Variants in CADM2 observed in about 807,000 individuals in gnomAD.
The protein encoded by CADM2 is immunoglobulin superfamily member 4D.
CADM2 carries 12 observed loss-of-function variants against 49.8 expected under a neutral mutation model. The ratio of observed to expected loss-of-function variants is 0.24; its 90% CI spans 0.15 to 0.39. The LOEUF (loss-of-function observed/expected upper bound fraction) is 0.39. Among genes scored for constraint, CADM2 ranks in the 10% least tolerant of loss-of-function variants. The pLI, the probability that CADM2 is intolerant of heterozygous loss-of-function variation, is 1.00. For missense variants in CADM2, 378 were observed against 492.3 expected, an observed-to-expected ratio of 0.77 and a Z score of 2.20; for synonymous variants, 214 against 175.4, an observed-to-expected ratio of 1.22 and a Z score of -1.74.
chr3:85,592,166 A>G (rs1285222259), intron 1 of CADM2, among the ~76,000 whole-genome samples: 2 of 152,014 alleles, frequency 1.3e-5, no homozygotes, highest in Non-Finnish European at 2.9e-5. Context: ...ATATAACAAG[A>G]TGGAAAACAG....
At chr3:85,226,230 A>G (rs542555031) in intron 1 of CADM2, among the ~76,000 whole-genome samples, 4 of 149,250 alleles carry the variant, frequency 2.7e-5, no homozygotes, top group Admixed American at 6.7e-5. Context: ...GAATTTGGCT[A>G]TGAATCTGTC....
At chr3:85,474,927 G>A (rs916770771) in intron 1 of CADM2, among the ~76,000 whole-genome samples, 13 of 151,894 alleles carry the variant, frequency 8.6e-5, no homozygotes, top group African/African-American at 2.9e-4. Context: ...TACAGACTCA[G>A]CATCCTCGAA....
In CADM2 at chr3:85,877,683, T is replaced by TG. The variant is rs1712096235; in HGVS notation, c.239-5607dup. Reference sequence around the variant, plus strand: ...TCTAAATGGAACATTTTTTTTCTTCTGTTTTTTTTTTTTTTTTTTTGGTTT... The same window carrying TG: ...TCTAAATGGAACATTTTTTTTCTTCTGGTTTTTTTTTTTTTTTTTTTGGTTT... On this transcript the variant is annotated intron_variant, in intron 3 of 9. Coordinates refer to ENST00000383699, the MANE Select transcript of CADM2 (RefSeq NM_001167675.2). 5.5e-5 allele frequency among the ~76,000 whole-genome samples: 6 copies of TG among 108,396 alleles called. No individual in the cohort carries two copies. The South Asian group carries it at 1.5e-3, about 28-fold the overall frequency. 71.1% of individuals were successfully genotyped at this position (108,396 alleles called of 152,430 possible).
chr3:84,969,625 A>G (rs190219883), intron 1 of CADM2, among the ~76,000 whole-genome samples: 212 of 152,004 alleles, frequency 1.4e-3, no homozygotes, highest in Non-Finnish European at 2.3e-3. Flanking sequence ...ATAACTGCCA[A>G]AATGCCAATA....
At chr3:85,614,680 T>G (rs1390295068) in intron 1 of CADM2, among the ~76,000 whole-genome samples, 3 of 151,922 alleles carry the variant, frequency 2.0e-5, no homozygotes, top group Non-Finnish European at 4.4e-5. Context: ...TGTTCATTAT[T>G]TCTTACGTTG....
intron 3 of CADM2, among the ~76,000 whole-genome samples, chr3:85,820,185 A>G (rs1453349660): frequency 6.6e-6 from 1 of 152,142 alleles, no homozygotes; most frequent in African/African-American, 2.4e-5. Context: ...AGGCAGAGGT[A>G]GTGGGATGAG....
intron 3 of CADM2, among the ~76,000 whole-genome samples, chr3:85,844,180 G>C (rs1250359350): frequency 6.6e-6 from 1 of 151,976 alleles, no homozygotes; most frequent in Non-Finnish European, 1.5e-5. Flanking sequence ...AGAGATTTCT[G>C]ATCTACAGAG....
chr3:85,860,065 G>A, intron 3 of CADM2, among the ~76,000 whole-genome samples: 1 of 151,902 alleles, frequency 6.6e-6, no homozygotes, highest in East Asian at 1.9e-4. Context: ...GCTCATTTCA[G>A]TTGTTATATT....
intron 1 of CADM2, among the ~76,000 whole-genome samples, chr3:85,388,271 G>C (rs1004508311): frequency 6.6e-6 from 1 of 152,112 alleles, no homozygotes; most frequent in African/African-American, 2.4e-5. Context: ...ACTGTTTGTT[G>C]ATGATGGAGG....
chr3:85,201,780 T>C (rs1199741750), intron 1 of CADM2, among the ~76,000 whole-genome samples: 1 of 152,068 alleles, frequency 6.6e-6, no homozygotes, highest in Non-Finnish European at 1.5e-5. Context: ...TGTTTGCTCA[T>C]GTATAAGAAG....
chr3:85,076,586 A>G (rs1169163351), intron 1 of CADM2, among the ~76,000 whole-genome samples: 1 of 150,984 alleles, frequency 6.6e-6, no homozygotes, highest in Admixed American at 6.6e-5. Flanking sequence ...ACCTCAGGTG[A>G]TCTGCCTGCT....
chr3:85,327,822 A>G (rs570921606), intron 1 of CADM2, among the ~76,000 whole-genome samples: 1 of 152,076 alleles, frequency 6.6e-6, no homozygotes, highest in Non-Finnish European at 1.5e-5. Flanking sequence ...TTAAAATTCT[A>G]TTCTGAATAG....
intron 1 of CADM2, among the ~76,000 whole-genome samples, chr3:85,693,585 G>GA (rs2066456491): frequency 1.1e-5 from 1 of 92,052 alleles, no homozygotes; most frequent in Non-Finnish European, 2.3e-5. Context: ...AAAAAAAAAA[G>GA]AAAAGAAAAA....
At chr3:85,149,223 G>C (rs2039845809) in intron 1 of CADM2, among the ~76,000 whole-genome samples, 1 of 151,948 alleles carries the variant, frequency 6.6e-6, no homozygotes, top group Middle Eastern at 3.4e-3. Flanking sequence ...AATTGCCATT[G>C]TGCCAGTATT....
chr3:85,177,793 A>G (rs1412406504), intron 1 of CADM2, among the ~76,000 whole-genome samples: 1 of 151,968 alleles, frequency 6.6e-6, no homozygotes, highest in African/African-American at 2.4e-5. Flanking sequence ...TGAGTAGTGT[A>G]TCATGCCATA....
At chr3:85,985,555 G>A (rs910425922) in intron 8 of CADM2, among the ~76,000 whole-genome samples, 1 of 151,624 alleles carries the variant, frequency 6.6e-6, no homozygotes, top group African/African-American at 2.4e-5. Flanking sequence ...GTATACGTCT[G>A]GAATGACTAT....
intron 1 of CADM2, among the ~76,000 whole-genome samples, chr3:85,046,320 CTTTTTTT>C (rs924286569): frequency 9.1e-4 from 112 of 122,854 alleles, no homozygotes; most frequent in African/African-American, 2.8e-3. Flanking sequence ...TTACAATTTT[CTTTTTTT>C]TTTTTTTTTT....
At chr3:85,473,787 G>T (rs1456784483) in intron 1 of CADM2, among the ~76,000 whole-genome samples, 1 of 152,032 alleles carries the variant, frequency 6.6e-6, no homozygotes, top group African/African-American at 2.4e-5. Context: ...ACTATTGTAG[G>T]TTCATATATT....
At chr3:85,171,688 A>G (rs1219607022) in intron 1 of CADM2, among the ~76,000 whole-genome samples, 3 of 152,306 alleles carry the variant, frequency 2.0e-5, no homozygotes, top group South Asian at 2.1e-4. Flanking sequence ...TGTTCTCATC[A>G]ATAGATTGAA....
Sources: allele counts gnomAD v4.1 joint callset (sites outside exome capture counted in the v4.1 genomes callset), GRCh38; gene constraint gnomAD v4.1.1; transcripts MANE v1.5; gene names NCBI Gene and HGNC (gene_info 2026-07-23, HGNC 2026-07-21).